The following FAM53B variants were observed in gnomAD, a reference collection of about 807,000 sequenced individuals.
The protein encoded by FAM53B is protein FAM53B.
In FAM53B, 12 loss-of-function variants were observed where a neutral mutation model predicts 32.7. That is an observed-to-expected ratio of 0.37 (90% CI 0.24 to 0.59). FAM53B has a LOEUF of 0.59. Among genes scored for constraint, FAM53B ranks in the 20% least tolerant of loss-of-function variants. FAM53B has a pLI of 0.72. For synonymous variants in FAM53B, 234 were observed against 228.7 expected, an observed-to-expected ratio of 1.02 and a Z score of -0.21; for missense variants, 477 against 577.7, an observed-to-expected ratio of 0.83 and a Z score of 1.79.
chr10:124,672,126 G>A (rs957421570), intron 4 of FAM53B, among the ~76,000 whole-genome samples: 9 of 152,200 alleles, frequency 5.9e-5, no homozygotes, highest in Non-Finnish European at 1.0e-4. Flanking sequence ...TGCCAAAGGC[G>A]AAGTGGGCTA....
chr10:124,665,673 G>T (rs1161149211), intron 4 of FAM53B, among the ~76,000 whole-genome samples: 2 of 152,230 alleles, frequency 1.3e-5, no homozygotes, highest in Non-Finnish European at 2.9e-5. Context: ...CCTGGGCATT[G>T]GTCACGTGGG....
At chr10:124,633,518 C>G (rs1949405694) in intron 4 of FAM53B, among the ~76,000 whole-genome samples, 1 of 152,206 alleles carries the variant, frequency 6.6e-6, no homozygotes, top group Non-Finnish European at 1.5e-5. Context: ...AGCTAACCCT[C>G]CTAGACTAGC....
chr10:124,686,409 G>A (rs899965525), intron 3 of FAM53B, among the ~76,000 whole-genome samples: 22 of 152,216 alleles, frequency 1.4e-4, no homozygotes, highest in African/African-American at 5.3e-4. Context: ...GTGAAGAGAA[G>A]TTGCAGCTTC....
chr10:124,636,830 T>C (rs766066566), intron 4 of FAM53B, among the ~76,000 whole-genome samples: 13 of 151,966 alleles, frequency 8.6e-5, no homozygotes, highest in Middle Eastern at 3.4e-3. Flanking sequence ...GCAGTTCTGA[T>C]GTCTGTGACG....
intron 1 of FAM53B, chr10:124,742,901 G>A (rs1167257079): frequency 4.6e-5 from 7 of 152,164 alleles, no homozygotes; most frequent in Admixed American, 2.6e-4. Flanking sequence ...TGGCCTATAG[G>A]AGGCAGAATC....
At chr10:124,695,485 C>G (rs1256938469) in intron 3 of FAM53B, among the ~76,000 whole-genome samples, 1 of 152,204 alleles carries the variant, frequency 6.6e-6, no homozygotes, top group East Asian at 1.9e-4. Context: ...TCCAGCCTGT[C>G]TATTCCACTC....
intron 1 of FAM53B, chr10:124,714,097 G>A (rs1400729887): frequency 3.3e-5 from 5 of 152,162 alleles, no homozygotes; most frequent in Non-Finnish European, 7.3e-5. Flanking sequence ...TAAAGTGCGA[G>A]AAGGGTTCCG....
At chr10:124,671,044 G>C (rs1445106972) in intron 4 of FAM53B, 3 of 422,474 alleles carry the variant, frequency 7.1e-6, no homozygotes, top group Non-Finnish European at 1.5e-5. Flanking sequence ...GAGAACGTTA[G>C]ACAGCGCTTA....
intron 2 of FAM53B, among the ~76,000 whole-genome samples, chr10:124,702,012 G>A (rs149414467): frequency 1.3e-5 from 2 of 152,292 alleles, no homozygotes; most frequent in East Asian, 3.9e-4. Context: ...AATTGGCCAC[G>A]AGCTCCTCCT....
chr10:124,741,242 T>C (rs1423113354), intron 1 of FAM53B, among the ~76,000 whole-genome samples: 1 of 152,218 alleles, frequency 6.6e-6, no homozygotes, highest in East Asian at 1.9e-4. Flanking sequence ...GTGGTAATGA[T>C]GGGGGTTGTG....
chr10:124,690,091 T>G (rs1157411773), intron 3 of FAM53B, among the ~76,000 whole-genome samples: 1 of 152,224 alleles, frequency 6.6e-6, no homozygotes, highest in Non-Finnish European at 1.5e-5. Flanking sequence ...GTGATGCATC[T>G]CTTAACTGAT....
chr10:124,713,219 G>A (rs1950016758), intron 1 of FAM53B, among the ~76,000 whole-genome samples: 1 of 152,224 alleles, frequency 6.6e-6, no homozygotes, highest in Non-Finnish European at 1.5e-5. Context: ...ATGGTTGGTA[G>A]TATGCACATT....
At chr10:124,640,205 C>T (rs1227266625) in intron 4 of FAM53B, among the ~76,000 whole-genome samples, 1 of 152,246 alleles carries the variant, frequency 6.6e-6, no homozygotes, top group Non-Finnish European at 1.5e-5. Flanking sequence ...GCTACAGGTG[C>T]ATTCTCAGGT....
intron 3 of FAM53B, among the ~76,000 whole-genome samples, chr10:124,685,309 G>A (rs1229658288): frequency 6.6e-6 from 1 of 152,194 alleles, no homozygotes; most frequent in African/African-American, 2.4e-5. Context: ...CGAATATGTG[G>A]GGGATGTGAC....
chr10:124,657,435 G>T (rs1247230360), intron 4 of FAM53B, among the ~76,000 whole-genome samples: 1 of 152,104 alleles, frequency 6.6e-6, no homozygotes. Flanking sequence ...AGGGTGTCAA[G>T]AGTCACTTCT....
intron 3 of FAM53B, among the ~76,000 whole-genome samples, chr10:124,691,979 G>A (rs552704569): frequency 2.0e-5 from 3 of 152,350 alleles, no homozygotes; most frequent in African/African-American, 7.2e-5. Context: ...CCACGGAGCT[G>A]CCACCTGACC....
chr10:124,663,692 G>A (rs1387308174), intron 4 of FAM53B, among the ~76,000 whole-genome samples: 1 of 152,182 alleles, frequency 6.6e-6, no homozygotes, highest in African/African-American at 2.4e-5. Context: ...AAGGTGAACT[G>A]CACTCTGGGA....
At chr10:124,665,223 T>C (rs1320083918) in intron 4 of FAM53B, among the ~76,000 whole-genome samples, 1 of 152,196 alleles carries the variant, frequency 6.6e-6, no homozygotes, top group Non-Finnish European at 1.5e-5. Flanking sequence ...CATAGCCTTC[T>C]CTTACTGCCC....
intron 3 of FAM53B, among the ~76,000 whole-genome samples, chr10:124,695,922 T>C (rs1039036741): frequency 8.5e-5 from 13 of 152,162 alleles, no homozygotes; most frequent in Non-Finnish European, 1.9e-4. Flanking sequence ...TCAACATGAA[T>C]TACTTTAATC....
Sources: gnomAD v4.1 joint callset for allele counts (sites outside exome capture counted in the v4.1 genomes callset) on GRCh38, gnomAD v4.1.1 for gene constraint, MANE v1.5 for transcripts, NCBI Gene and HGNC (gene_info 2026-07-23, HGNC 2026-07-21) for gene names.